The following BCL11A variants were observed in gnomAD, a reference collection of about 807,000 sequenced individuals.
BCL11A encodes the protein B cell CLL/lymphoma 11A.
Under a neutral mutation model 55.9 loss-of-function variants are expected in BCL11A, and 2 were observed. The observed-to-expected ratio is 0.04, with a 90% CI of 0.01 to 0.11. The LOEUF (loss-of-function observed/expected upper bound fraction) is 0.11, where lower values mean the gene tolerates loss of function less well. Ranked by LOEUF, BCL11A falls within the 10% of genes least tolerant of loss-of-function variation. BCL11A has a pLI of 1.00. For missense variants in BCL11A, 817 were observed against 1,137.1 expected (o/e 0.72, Z 4.05); for synonymous variants, 465 against 473.4 (o/e 0.98, Z 0.23).
chr2:60,499,530 T>C (rs1225359671), intron 2 of BCL11A: 7 of 152,226 alleles, frequency 4.6e-5, no homozygotes, highest in Non-Finnish European at 1.5e-5. Flanking sequence ...AAAAGACTCA[T>C]GTGTAGCTGA....
At chr2:60,453,293 AATG>A (rs1484296717), downstream of BCL11A, among the ~76,000 whole-genome samples, 1 of 152,202 alleles carries the variant, frequency 6.6e-6, no homozygotes, top group Non-Finnish European at 1.5e-5. Context: ...GGGGGAAGGC[AATG>A]GTGAAGGGAA....
At chr2:60,526,627 G>A (rs1214357382) in intron 2 of BCL11A, 1 of 152,188 alleles carries the variant, frequency 6.6e-6, no homozygotes. Context: ...TAATTTGATG[G>A]TTTATAGGCC....
chr2:60,534,891 G>A (rs974719402), intron 2 of BCL11A: 2 of 152,194 alleles, frequency 1.3e-5, no homozygotes, highest in Non-Finnish European at 2.9e-5. Flanking sequence ...AAATCTCTTG[G>A]TGAACTTTTA....
chr2:60,543,061 T>C (rs1463723089), intron 2 of BCL11A: 1 of 150,652 alleles, frequency 6.6e-6, no homozygotes, highest in Non-Finnish European at 1.5e-5. Flanking sequence ...AAACTCAGCT[T>C]GGAGAGGCCT....
At chr2:60,491,498 C>A (rs1200810167) in intron 2 of BCL11A, among the ~76,000 whole-genome samples, 1 of 151,948 alleles carries the variant, frequency 6.6e-6, no homozygotes, top group Non-Finnish European at 1.5e-5. Flanking sequence ...CACAGTGAAA[C>A]CCCGTCTCTA....
chr2:60,549,531 G>A (rs1670299866), intron 1 of BCL11A, among the ~76,000 whole-genome samples: 1 of 152,220 alleles, frequency 6.6e-6, no homozygotes, highest in South Asian at 2.1e-4. Flanking sequence ...TTGGGCGCGG[G>A]GACTCTGAGG....
chr2:60,540,336 G>A (rs191241921), intron 2 of BCL11A, among the ~76,000 whole-genome samples: 2 of 152,256 alleles, frequency 1.3e-5, no homozygotes, highest in Admixed American at 6.5e-5. Flanking sequence ...AACAGACTTG[G>A]GCTTGGGGTA....
chr2:60,452,921 A>C, downstream of BCL11A: 2 of 425,232 alleles, frequency 4.7e-6, no homozygotes, highest in Middle Eastern at 6.7e-4. Flanking sequence ...CCCCTGCCCA[A>C]TTGTATGATA....
At chr2:60,517,896 C>T (rs1366440463) in intron 2 of BCL11A, among the ~76,000 whole-genome samples, 2 of 148,478 alleles carry the variant, frequency 1.3e-5, no homozygotes, top group Non-Finnish European at 2.9e-5. Context: ...GCTGTGCTTT[C>T]TTCTATGATT....
chr2:60,507,833 C>T (rs114185431), intron 2 of BCL11A, among the ~76,000 whole-genome samples: 1,768 of 152,250 alleles, frequency 0.012, 28 homozygotes, highest in African/African-American at 0.04. Flanking sequence ...CAGGACACGT[C>T]TTCACAGTAA....
chr2:60,475,133 C>G (rs1423218238), intron 2 of BCL11A, among the ~76,000 whole-genome samples: 4 of 152,130 alleles, frequency 2.6e-5, no homozygotes, highest in Non-Finnish European at 4.4e-5. Context: ...TAAATGGGGC[C>G]CAATAGGCGG....
chr2:60,539,419 C>T (rs938467034), intron 2 of BCL11A, among the ~76,000 whole-genome samples: 6 of 152,162 alleles, frequency 3.9e-5, no homozygotes, highest in African/African-American at 7.2e-5. Flanking sequence ...TGCAGAATGA[C>T]GAATGAGCTC....
At chr2:60,473,369 A>G (rs747503996) in intron 2 of BCL11A, among the ~76,000 whole-genome samples, 11 of 151,966 alleles carry the variant, frequency 7.2e-5, no homozygotes, top group Admixed American at 1.3e-4. Context: ...GGATGACACT[A>G]TGATGAGGAG....
chr2:60,514,495 TAAAAAAAA>T (rs58972358), intron 2 of BCL11A, among the ~76,000 whole-genome samples: 16 of 119,342 alleles, frequency 1.3e-4, no homozygotes, highest in Non-Finnish European at 2.2e-4. Flanking sequence ...CATCTCTACT[TAAAAAAAA>T]AAAAAAAAAA....
intron 2 of BCL11A, chr2:60,508,610 G>C (rs1679779597): frequency 6.6e-6 from 1 of 152,298 alleles, no homozygotes; most frequent in Non-Finnish European, 1.5e-5. Flanking sequence ...ACTTACCTCA[G>C]GTACTATGGC....
chr2:60,494,598 C>T (rs1448065080), intron 2 of BCL11A, among the ~76,000 whole-genome samples: 3 of 152,210 alleles, frequency 2.0e-5, no homozygotes, highest in Non-Finnish European at 2.9e-5. Flanking sequence ...CAAATAACTC[C>T]TAGCTCATTC....
intron 1 of BCL11A, among the ~76,000 whole-genome samples, chr2:60,547,780 G>C (rs1670222792): frequency 6.6e-6 from 1 of 152,180 alleles, no homozygotes; most frequent in Non-Finnish European, 1.5e-5. Flanking sequence ...GCTGAATATT[G>C]AGGGGGAAGA....
chr2:60,496,942 T>G (rs1402336466), intron 2 of BCL11A, among the ~76,000 whole-genome samples: 1 of 152,146 alleles, frequency 6.6e-6, no homozygotes, highest in East Asian at 1.9e-4. Flanking sequence ...AAGAGATGAG[T>G]GAACACAATG....
chr2:60,478,404 G>A (rs559385033), intron 2 of BCL11A, among the ~76,000 whole-genome samples: 14 of 152,312 alleles, frequency 9.2e-5, no homozygotes, highest in East Asian at 5.8e-4. Flanking sequence ...GAAACCTGTC[G>A]TCTGGACACT....
Sources: gnomAD v4.1 joint callset for allele counts (sites outside exome capture counted in the v4.1 genomes callset) on GRCh38, gnomAD v4.1.1 for gene constraint, MANE v1.5 for transcripts, NCBI Gene and HGNC (gene_info 2026-07-23, HGNC 2026-07-21) for gene names.